SEMA3F: variants seen among roughly 807,000 people sequenced by gnomAD.
SEMA3F encodes the protein semaphorin-3F.
SEMA3F carries 30 observed loss-of-function variants against 98.5 expected under a neutral mutation model. The ratio of observed to expected loss-of-function variants is 0.30; its 90% CI spans 0.23 to 0.41. SEMA3F has a LOEUF of 0.41. Ranked by LOEUF, SEMA3F falls within the 10% of genes least tolerant of loss-of-function variation. The pLI, the probability that SEMA3F is intolerant of heterozygous loss-of-function variation, is 1.00. For missense variants in SEMA3F, 866 were observed against 1,119.3 expected (o/e 0.77, Z 3.23); for synonymous variants, 380 against 444.8 (o/e 0.85, Z 1.83).
At chr3:50,173,551 A>C (rs752250410) in intron 2 of SEMA3F, 58 of 515,216 alleles carry the variant, frequency 1.1e-4, no homozygotes, top group Non-Finnish European at 1.9e-4. Flanking sequence ...CTGAGACAGG[A>C]GAATCGCTTG....
chr3:50,187,873 C>T lies in SEMA3F; in HGVS notation c.2116C>T (p.Leu706Phe), dbSNP rs773705858. 2 of 1,612,818 alleles carry T rather than the reference C, an allele frequency of 1.2e-6. No homozygotes were observed. Among genetic ancestry groups the T allele is most frequent in the South Asian group, 1.1e-5 (1 of 91,054 alleles). ...VLGRDAVHAALFPPLSMSAPP... is the reference protein window; with the variant it reads ...VLGRDAVHAAFFPPLSMSAPP... The stretch of plus-strand genomic sequence containing the variant: ...GGGCCGGGACGCCGTCCATGCTGCC[C>T]TCTTCCCACCACTGTCCATGAGCGC... The change falls in exon 19 of 19, where the codon CTC (leucine) becomes TTC (phenylalanine). Residue 706 changes from leucine to phenylalanine, a missense_variant. By Grantham distance (22) the Leu-to-Phe change is conservative (BLOSUM62 0). Coordinates refer to ENST00000002829, the MANE Select transcript of SEMA3F (RefSeq NM_004186.5).
chr3:50,167,874 G>A (rs1004975156), intron 2 of SEMA3F, among the ~76,000 whole-genome samples: 2 of 152,192 alleles, frequency 1.3e-5, no homozygotes, highest in Non-Finnish European at 2.9e-5. Flanking sequence ...TGCTCTGGAG[G>A]AGCCAACATT....
intron 2 of SEMA3F, among the ~76,000 whole-genome samples, chr3:50,165,191 G>A (rs1330876607): frequency 1.3e-5 from 2 of 152,186 alleles, no homozygotes; most frequent in Non-Finnish European, 2.9e-5. Context: ...GGGGAGGGGA[G>A]GTTGTAGGGG....
chr3:50,179,484 C>T (rs1200007137), intron 7 of SEMA3F, among the ~76,000 whole-genome samples: 1 of 152,084 alleles, frequency 6.6e-6, no homozygotes, highest in Non-Finnish European at 1.5e-5. Flanking sequence ...TGCCACCATG[C>T]CCGGCTAATT....
rs1372464918 is a variant in SEMA3F, at chr3:50,166,694, G to C, written c.112+6960G>C. Reference sequence around the variant, plus strand: ...GGGGCTGCAGGGACCGCAGGAATCCGAGGAAGGCCGCAGAGATGGGGGCTG... The same window carrying C: ...GGGGCTGCAGGGACCGCAGGAATCCCAGGAAGGCCGCAGAGATGGGGGCTG... On this transcript the variant is annotated intron_variant, in intron 2 of 18. Coordinates refer to ENST00000002829, the MANE Select transcript of SEMA3F (RefSeq NM_004186.5). This position sits in a 1 kb window ranked among gnomAD's most constrained non-coding sequence, Gnocchi z 4.7. Among the ~76,000 whole-genome samples the C allele has an allele frequency of 6.6e-6, 1 of 152,190 alleles. No homozygotes were observed. Among genetic ancestry groups the C allele is most frequent in the Non-Finnish European group, 1.5e-5 (1 of 68,036 alleles).
chr3:50,177,587 C>T (rs1220299623), intron 7 of SEMA3F, among the ~76,000 whole-genome samples: 1 of 152,250 alleles, frequency 6.6e-6, no homozygotes, highest in Non-Finnish European at 1.5e-5. Context: ...GAGAAGGTCC[C>T]AGCCTGATGG....
intron 7 of SEMA3F, among the ~76,000 whole-genome samples, chr3:50,180,598 A>G (rs1341882092): frequency 6.6e-6 from 1 of 152,184 alleles, no homozygotes; most frequent in Admixed American, 6.5e-5. Flanking sequence ...GAAGAGGGAG[A>G]GAGATGGGAG....
chr3:50,185,761 G>C, intron 15 of SEMA3F, 54 bp downstream of exon 15: 1 of 1,611,398 alleles, frequency 6.2e-7, no homozygotes, highest in South Asian at 1.1e-5. Flanking sequence ...CATCCCCTCA[G>C]GGTCATGCCC....
rs1199821138 is a variant in SEMA3F at position 50,156,746 on chromosome 3, C to T, written c.-49+1182C>T. Among the ~76,000 whole-genome samples the T allele has an allele frequency of 6.6e-6, 1 of 152,184 alleles. No homozygotes were observed. The highest frequency in any genetic ancestry group is 1.9e-4 in the East Asian group (1 of 5,194). ...CCCCTTCAGCTCCGAAGGAGCCAGG[C>T]CCGGAAGTGGGGAGGTGGGGGCCGG... On this transcript the variant is annotated intron_variant, in intron 1 of 18. Coordinates refer to ENST00000002829, the MANE Select transcript of SEMA3F (RefSeq NM_004186.5). The surrounding 1 kb of genome is among the most constrained non-coding windows in gnomAD (Gnocchi z 4.5).
Position 50,182,081 on chromosome 3 carries a change from T to C in SEMA3F, c.644-203T>C, listed in dbSNP as rs1440209157. 1.3e-5 allele frequency among the ~76,000 whole-genome samples: 2 copies of C among 152,216 alleles called. No individual in the cohort carries two copies. The highest frequency in any genetic ancestry group is 6.5e-5 in the Admixed American group (1 of 15,278). ...GTATTCACACCACAGAAATGGGCTA[T>C]TGCTACTAATCAGAGCTGATAGTTA... On this transcript the variant is annotated intron_variant, in intron 7 of 18. Transcript: ENST00000002829. The surrounding 1 kb of genome is among the most constrained non-coding windows in gnomAD (Gnocchi z 4.5).
At chr3:50,185,227 A>G (rs1386978488) in intron 13 of SEMA3F, among the ~76,000 whole-genome samples, 1 of 152,198 alleles carries the variant, frequency 6.6e-6, no homozygotes, top group Non-Finnish European at 1.5e-5. Flanking sequence ...AGCAGGGCCC[A>G]AAATCAGGGT....
In SEMA3F at chr3:50,155,340, TC is replaced by T; in HGVS notation, c.-270del. 1 of 300,574 alleles carries T rather than the reference TC, an allele frequency of 3.3e-6. No individual in the cohort carries two copies. The highest frequency in any genetic ancestry group is 6.0e-6 in the Non-Finnish European group (1 of 165,334). 18.6% of individuals were successfully genotyped at this position (300,574 alleles called of 1,614,324 possible). On this transcript the variant is annotated 5_prime_UTR_variant, in exon 1 of 19. Transcript: ENST00000002829. This position sits in a 1 kb window ranked among gnomAD's most constrained non-coding sequence, Gnocchi z 4.9. ...GGCGGCCCCGAGCGCCCCTGAGCCT[TC>T]CCATGGCCCGGGCTGGGGCCCGGGC...
rs767470094 is a variant in SEMA3F at position 50,183,483 on chromosome 3, C to T, written c.1152C>T (p.Asn384=). ...TGGCTGATATTCGCATGGTCTTCAA[C>T]GGGCCCTTTGCCCACAAAGAGGGGC... ...YSMADIRMVF[N]GPFAHKEGPN... Residue 384 remains asparagine, a synonymous_variant, in exon 12 of 19, where the codon AAC becomes AAT. Coordinates refer to ENST00000002829, the MANE Select transcript of SEMA3F (RefSeq NM_004186.5). 4.3e-5 allele frequency: 69 copies of T among 1,613,972 alleles called. No homozygotes were observed. In the Admixed American group the frequency reaches 7.7e-4, roughly 18 times the overall value.
At chr3:50,169,579 C>T (rs935483981) in intron 2 of SEMA3F, among the ~76,000 whole-genome samples, 1 of 152,146 alleles carries the variant, frequency 6.6e-6, no homozygotes, top group Non-Finnish European at 1.5e-5. Context: ...CCAGGCACAC[C>T]ACCCTTCCTC....
intron 2 of SEMA3F, among the ~76,000 whole-genome samples, chr3:50,161,104 A>G (rs12631337): frequency 0.54 from 82,033 of 151,892 alleles, 23,207 homozygotes; most frequent in East Asian, 0.87. Context: ...ACCCCTCCCC[A>G]GCCCAGGGTC....
Position 50,182,829 on chromosome 3 carries a change from G to A in SEMA3F, c.903+46G>A, listed in dbSNP as rs752803996. On this transcript the variant is annotated intron_variant, in intron 9 of 18. Transcript: ENST00000002829. This position sits in a 1 kb window ranked among gnomAD's most constrained non-coding sequence, Gnocchi z 4.5. Reference sequence around the variant, plus strand: ...CAGGCTGCCCCTTCCACCAGTTCTGGCTTCATCAGCCCTGCTCCAGCCAGG... The same window carrying A: ...CAGGCTGCCCCTTCCACCAGTTCTGACTTCATCAGCCCTGCTCCAGCCAGG... The A allele has an allele frequency of 1.5e-5, 24 of 1,611,010 alleles. No individual in the cohort carries two copies. Among genetic ancestry groups the A allele is most frequent in the Non-Finnish European group, 2.0e-5 (23 of 1,178,592 alleles).
At chr3:50,171,805 C>T (rs1216328724) in intron 2 of SEMA3F, among the ~76,000 whole-genome samples, 1 of 152,202 alleles carries the variant, frequency 6.6e-6, no homozygotes, top group African/African-American at 2.4e-5. Context: ...ACTTCAGAGG[C>T]GCCGCTGGAC....
chr3:50,173,624 A>C (rs1698694926), intron 2 of SEMA3F, among the ~76,000 whole-genome samples, 169 bp from the exon 3 acceptor site: 1 of 152,234 alleles, frequency 6.6e-6, no homozygotes, highest in Non-Finnish European at 1.5e-5. Context: ...CCTGGGCAAC[A>C]GAGTGAGACT....
At chr3:50,186,115 G>A (rs1024918117) in intron 16 of SEMA3F, 69 bp downstream of exon 16, 18 of 1,519,948 alleles carry the variant, frequency 1.2e-5, no homozygotes, top group African/African-American at 1.1e-4. Context: ...GATTGGGGGT[G>A]CATGTGATAT....
Sources: gnomAD v4.1 joint callset for allele counts (sites outside exome capture counted in the v4.1 genomes callset) on GRCh38, gnomAD v4.1.1 for gene constraint, Gnocchi (gnomAD v3.1) non-coding constraint, MANE v1.5 for transcripts, NCBI Gene and HGNC (gene_info 2026-07-23, HGNC 2026-07-21) for gene names.